GPR158: variants seen among roughly 807,000 people sequenced by gnomAD.
GPR158 encodes the protein G protein-coupled receptor 158.
GPR158 carries 30 observed loss-of-function variants against 78.2 expected under a neutral mutation model. The ratio of observed to expected loss-of-function variants is 0.38; its 90% CI spans 0.29 to 0.52. The LOEUF is 0.52. Among genes scored for constraint, GPR158 ranks in the 20% least tolerant of loss-of-function variants. The pLI is 0.83. For synonymous variants in GPR158, 581 were observed against 591.1 expected, an observed-to-expected ratio of 0.98 and a Z score of 0.25; for missense variants, 1,463 against 1,523.5, an observed-to-expected ratio of 0.96 and a Z score of 0.66.
At chr10:25,497,850 C>A (rs1242106868) in intron 5 of GPR158, among the ~76,000 whole-genome samples, 1 of 152,088 alleles carries the variant, frequency 6.6e-6, no homozygotes, top group Non-Finnish European at 1.5e-5. Context: ...TTATGGAGAC[C>A]TTTTTATTTC....
chr10:25,238,303 G>A (rs1053052840), intron 2 of GPR158, among the ~76,000 whole-genome samples: 8 of 152,136 alleles, frequency 5.3e-5, no homozygotes, highest in East Asian at 1.9e-4. Context: ...TTCCAGTTCC[G>A]ATTATAATGT....
chr10:25,456,039 T>C lies in GPR158; in HGVS notation c.1336-10612T>C, dbSNP rs538321717. The stretch of plus-strand genomic sequence containing the variant: ...TTAGAGACTGAATTTTAAATTCCTG[T>C]TTTCATCATCTTTGCATCTAAATAA... On this transcript the variant is annotated intron_variant, in intron 4 of 10. Coordinates refer to ENST00000376351, the MANE Select transcript of GPR158 (RefSeq NM_020752.3). Among the ~76,000 whole-genome samples the C allele has an allele frequency of 6.8e-4, 104 of 152,282 alleles. 1 individual carries two copies. The highest frequency in any genetic ancestry group is 2.4e-3 in the African/African-American group (99 of 41,560).
chr10:25,253,457 T>C (rs1023726011), intron 2 of GPR158, among the ~76,000 whole-genome samples: 1 of 152,146 alleles, frequency 6.6e-6, no homozygotes, highest in South Asian at 2.1e-4. Context: ...CAACCTCAGA[T>C]ACATGAAAAG....
intron 5 of GPR158, among the ~76,000 whole-genome samples, chr10:25,522,767 A>G (rs1027766541): frequency 1.3e-5 from 2 of 152,340 alleles, no homozygotes; most frequent in Middle Eastern, 3.4e-3. Context: ...GCTTGCCTCT[A>G]GAGAAAGTAG....
At chr10:25,354,930 A>G (rs920379515) in intron 2 of GPR158, among the ~76,000 whole-genome samples, 3 of 152,066 alleles carry the variant, frequency 2.0e-5, no homozygotes, top group Non-Finnish European at 2.9e-5. Context: ...GTTGCCAGAC[A>G]TATTGGAACT....
Position 25,567,189 on chromosome 10 carries a change from G to A in GPR158, c.1515-5460G>A, listed in dbSNP as rs939912158. Among the ~76,000 whole-genome samples, 12 of 152,076 alleles carry A rather than the reference G, an allele frequency of 7.9e-5. 1 individual carries two copies. Among genetic ancestry groups the A allele is most frequent in the Admixed American group, 7.9e-4 (12 of 15,254 alleles). ...TGCAAAATCACATACAAATGCAAATGTTCTGAAAATGGAAAGCTATTATTA... is the reference window on the plus strand; with the variant it reads ...TGCAAAATCACATACAAATGCAAATATTCTGAAAATGGAAAGCTATTATTA... On this transcript the variant is annotated intron_variant, in intron 6 of 10. Coordinates refer to ENST00000376351, the MANE Select transcript of GPR158 (RefSeq NM_020752.3).
rs1043457455 is a variant in GPR158, at chr10:25,377,955, G to A, written c.1009-17956G>A. Among the ~76,000 whole-genome samples, 3 of 152,060 alleles carry A rather than the reference G, an allele frequency of 2.0e-5. No homozygotes were observed. The East Asian group carries it at 5.8e-4, about 29-fold the overall frequency. ...TAACATTTACAGTGACTACTAAACT[G>A]TTCCAAAATAACTGCACCATTTTCA... On this transcript the variant is annotated intron_variant, in intron 2 of 10. Transcript: ENST00000376351.
Position 25,412,381 on chromosome 10 carries a change from T to C in GPR158, c.1243T>C (p.Tyr415His). ...DSPCFVQEDK[Y>H]LRLAIISFQA... ...CCCATGCTTCGTCCAGGAAGATAAG[T>C]ATTTACGACTTGCCATCATCTCCTT... Residue 415 changes from tyrosine to histidine, a missense_variant, in exon 4 of 11, where the codon TAT becomes CAT. By Grantham distance (83) the Tyr-to-His change is moderately conservative. Transcript: ENST00000376351. 4 of 1,613,942 alleles carry C rather than the reference T, an allele frequency of 2.5e-6. No homozygotes were observed. In the African/African-American group the frequency reaches 4.0e-5, roughly 16 times the overall value.
chr10:25,598,259 A>C lies in GPR158; in HGVS notation c.2633A>C (p.Lys878Thr), dbSNP rs1406232002. The C allele has an allele frequency of 1.2e-6, 2 of 1,614,006 alleles. No homozygotes were observed. Among genetic ancestry groups the C allele is most frequent in the South Asian group, 1.1e-5 (1 of 91,080 alleles). Residue 878 changes from lysine (K) to threonine (T), a missense_variant, in exon 11 of 11, where the codon AAG (lysine) becomes ACG (threonine). Transcript: ENST00000376351. ...ESTESVPLVC[K>T]SASAHNLSSE... is the part of the protein sequence containing the mutation. ...ACGGAGTCGGTGCCGTTGGTGTGCA[A>C]GTCAGCAAGCGCTCACAACCTCAGC...
At chr10:25,444,292 T>A (rs1309767746) in intron 4 of GPR158, among the ~76,000 whole-genome samples, 3 of 145,802 alleles carry the variant, frequency 2.1e-5, no homozygotes, top group African/African-American at 5.1e-5. Context: ...TGAGTGGGGG[T>A]GAGGGTATGT....
chr10:25,436,200 T>C (rs1288291879), intron 4 of GPR158, among the ~76,000 whole-genome samples: 1 of 152,234 alleles, frequency 6.6e-6, no homozygotes, highest in African/African-American at 2.4e-5. Flanking sequence ...CGGTGTTACA[T>C]GAGACATGTG....
chr10:25,531,455 T>G (rs893859386), intron 5 of GPR158, among the ~76,000 whole-genome samples: 3 of 152,340 alleles, frequency 2.0e-5, no homozygotes, highest in Non-Finnish European at 4.4e-5. Flanking sequence ...TTGTTACTGT[T>G]TACTGACAAA....
chr10:25,457,004 G>A (rs1039522049), intron 4 of GPR158, among the ~76,000 whole-genome samples: 5 of 151,724 alleles, frequency 3.3e-5, no homozygotes, highest in Non-Finnish European at 7.4e-5. Context: ...TTGGAGTCTC[G>A]CCCTGTCACC....
intron 4 of GPR158, among the ~76,000 whole-genome samples, chr10:25,457,309 A>G (rs1410337245): frequency 6.6e-6 from 1 of 151,948 alleles, no homozygotes; most frequent in Non-Finnish European, 1.5e-5. Flanking sequence ...ATAGCTTTTA[A>G]TGAGTAGTAG....
At chr10:25,213,378 T>C (rs1853161549) in intron 1 of GPR158, among the ~76,000 whole-genome samples, 1 of 152,210 alleles carries the variant, frequency 6.6e-6, no homozygotes, top group South Asian at 2.1e-4. Context: ...AATGCCTCTT[T>C]AGTTTGATTA....
chr10:25,295,859 A>C (rs1414980231), intron 2 of GPR158, among the ~76,000 whole-genome samples: 4 of 152,058 alleles, frequency 2.6e-5, no homozygotes, highest in African/African-American at 9.7e-5. Flanking sequence ...TACCTTTACA[A>C]AGCTCTATTA....
chr10:25,381,025 T>C (rs1007846989), intron 2 of GPR158, among the ~76,000 whole-genome samples: 1 of 152,120 alleles, frequency 6.6e-6, no homozygotes, highest in Non-Finnish European at 1.5e-5. Flanking sequence ...ATAGTAAGAA[T>C]AAGTATAGGA....
At chr10:25,594,221 T>C in intron 8 of GPR158, 71 bp from the exon 9 acceptor site, 1 of 804,474 alleles carries the variant, frequency 1.2e-6, no homozygotes, top group South Asian at 1.4e-5. Context: ...AAAAAAGAGT[T>C]CCCAAGTAAT....
chr10:25,327,126 A>G (rs1008005299), intron 2 of GPR158, among the ~76,000 whole-genome samples: 1 of 152,196 alleles, frequency 6.6e-6, no homozygotes, highest in Non-Finnish European at 1.5e-5. Context: ...ATAAAGCTGG[A>G]GAGAATTTCT....
Sources: gnomAD v4.1 joint callset for allele counts (sites outside exome capture counted in the v4.1 genomes callset) on GRCh38, gnomAD v4.1.1 for gene constraint, MANE v1.5 for transcripts, NCBI Gene and HGNC (gene_info 2026-07-23, HGNC 2026-07-21) for gene names.